Variants in AJAP1 observed in about 807,000 individuals in gnomAD.
AJAP1 encodes the protein adherens junctions associated protein 1.
A neutral mutation model predicts 35.0 loss-of-function variants in AJAP1; 5 were observed. That is an observed-to-expected ratio of 0.14 (90% CI 0.07 to 0.30). The LOEUF (loss-of-function observed/expected upper bound fraction) is 0.30, where lower values mean the gene tolerates loss of function less well. Among genes scored for constraint, AJAP1 ranks in the 10% least tolerant of loss-of-function variants. AJAP1 has a pLI of 1.00. For missense variants in AJAP1, 586 were observed against 571.0 expected (o/e 1.03, Z -0.27); for synonymous variants, 284 against 249.3 (o/e 1.14, Z -1.31).
In AJAP1 at chr1:4,715,922, C is replaced by A. The variant is rs1216112942; in HGVS notation, c.829+3223C>A. On this transcript the variant is annotated intron_variant, in intron 2 of 5. Transcript: ENST00000378191. ...GCCAGCTTTGCCACATACTGGGGGG[C>A]ACCCCAAAATTTGGAATTGGAGTTT... 2.0e-5 allele frequency among the ~76,000 whole-genome samples: 3 copies of A among 152,342 alleles called. No individual in the cohort carries two copies. In the South Asian group the frequency reaches 6.2e-4, roughly 32 times the overall value.
intron 1 of AJAP1, among the ~76,000 whole-genome samples, chr1:4,665,090 C>T (rs903871073): frequency 9.9e-5 from 15 of 151,884 alleles, no homozygotes; most frequent in Non-Finnish European, 2.1e-4. Flanking sequence ...GGTTTTCAGT[C>T]GACGCCCCCA....
Position 4,786,136 on chromosome 1 carries a change from A to G in AJAP1, c.*3651A>G, listed in dbSNP as rs1270991690. On this transcript the variant is annotated 3_prime_UTR_variant, in exon 6 of 6. Coordinates refer to ENST00000378191, the MANE Select transcript of AJAP1 (RefSeq NM_018836.4). ...TCAGATTCCAGCCATTACCGAGACA[A>G]ATCCAAGCCTTCTCACGCAACGTGG... The G allele has an allele frequency of 6.6e-6, 1 of 152,146 alleles. No homozygotes were observed. The highest frequency in any genetic ancestry group is 1.5e-5 in the Non-Finnish European group (1 of 68,032). 9.4% of individuals were successfully genotyped at this position (152,146 alleles called of 1,614,324 possible). A position where few individuals can be genotyped will look rare whatever the true frequency, so the allele number is the denominator to read the frequency against.
At chr1:4,779,588 CCA>C (rs1235569146) in intron 5 of AJAP1, among the ~76,000 whole-genome samples, 2 of 152,080 alleles carry the variant, frequency 1.3e-5, no homozygotes, top group Non-Finnish European at 2.9e-5. Context: ...GCAGCCGGGG[CCA>C]CAGTTCAGGC....
rs147527302 is a variant in AJAP1, at chr1:4,700,650, G to A, written c.30-11250G>A. ...AGATGGAGAGGAGCTAGGGCTTGGC[G>A]CTGGGATGGGGTAGCTCGTGCTGGG... On this transcript the variant is annotated intron_variant, in intron 1 of 5. Coordinates refer to ENST00000378191, the MANE Select transcript of AJAP1 (RefSeq NM_018836.4). Among the ~76,000 whole-genome samples, 575 of 152,324 alleles carry A rather than the reference G, an allele frequency of 3.8e-3. 2 individuals carry two copies. The highest frequency in any genetic ancestry group is 5.9e-3 in the Admixed American group (90 of 15,306).
rs910032314 is a variant in AJAP1, at chr1:4,752,349, G to A, written c.830-17504G>A. 2.6e-5 allele frequency among the ~76,000 whole-genome samples: 4 copies of A among 152,104 alleles called. No individual in the cohort carries two copies. In the East Asian group the frequency reaches 5.8e-4, roughly 22 times the overall value. ...GTCCAGTAGACAAGAGAATGCAGAA[G>A]GTGAGGGATCTGGGCAAGAGAGGAC... is the stretch of plus-strand genomic sequence containing the variant. On this transcript the variant is annotated intron_variant, in intron 2 of 5. Coordinates refer to ENST00000378191, the MANE Select transcript of AJAP1 (RefSeq NM_018836.4).
chr1:4,724,191 C>T (rs577182018), intron 2 of AJAP1, among the ~76,000 whole-genome samples: 2 of 152,278 alleles, frequency 1.3e-5, no homozygotes, highest in South Asian at 4.1e-4. Flanking sequence ...CGGGCACCTG[C>T]GAATGCCAGG....
intron 1 of AJAP1, among the ~76,000 whole-genome samples, chr1:4,657,412 C>T (rs796786682): frequency 1.1e-4 from 16 of 152,222 alleles, no homozygotes; most frequent in African/African-American, 3.6e-4. Flanking sequence ...TTACTGCTGT[C>T]TCCTGGCCAG....
At chr1:4,698,978 C>T (rs1364050988) in intron 1 of AJAP1, among the ~76,000 whole-genome samples, 3 of 152,182 alleles carry the variant, frequency 2.0e-5, no homozygotes, top group Non-Finnish European at 2.9e-5. Flanking sequence ...CCTGGTTCCC[C>T]GGTGCACCTG....
intron 1 of AJAP1, among the ~76,000 whole-genome samples, chr1:4,671,853 T>C (rs916918226): frequency 4.6e-5 from 7 of 152,216 alleles, no homozygotes; most frequent in Non-Finnish European, 8.8e-5. Flanking sequence ...GGTCAGAGCC[T>C]GCTTTTATTG....
intron 1 of AJAP1, among the ~76,000 whole-genome samples, chr1:4,680,961 T>C (rs1260459118): frequency 6.6e-6 from 1 of 152,214 alleles, no homozygotes; most frequent in Non-Finnish European, 1.5e-5. Flanking sequence ...GGCTTTGGCA[T>C]TCGAATTCAG....
At chr1:4,699,260 C>A (rs1639933447) in intron 1 of AJAP1, among the ~76,000 whole-genome samples, 1 of 152,222 alleles carries the variant, frequency 6.6e-6, no homozygotes, top group South Asian at 2.1e-4. Flanking sequence ...CCCTGCCCAC[C>A]TCCACCAATG....
intron 2 of AJAP1, among the ~76,000 whole-genome samples, chr1:4,740,646 T>G (rs1429924876): frequency 6.6e-6 from 1 of 150,638 alleles, no homozygotes; most frequent in Non-Finnish European, 1.5e-5. Flanking sequence ...ATTAGCCGGG[T>G]GTGGTGGCGG....
chr1:4,690,935 C>T (rs1639725998), intron 1 of AJAP1, among the ~76,000 whole-genome samples: 1 of 152,194 alleles, frequency 6.6e-6, no homozygotes, highest in African/African-American at 2.4e-5. Context: ...ACTCCTATCC[C>T]CTGTGCTGGA....
At chr1:4,676,797 T>C (rs1303154914) in intron 1 of AJAP1, among the ~76,000 whole-genome samples, 1 of 152,194 alleles carries the variant, frequency 6.6e-6, no homozygotes, top group Non-Finnish European at 1.5e-5. Flanking sequence ...AAAGGGGTAT[T>C]GCATTCTCGA....
intron 1 of AJAP1, among the ~76,000 whole-genome samples, chr1:4,695,680 G>A (rs1219464126): frequency 6.6e-6 from 1 of 152,176 alleles, no homozygotes; most frequent in African/African-American, 2.4e-5. Context: ...GCCTGTAGAT[G>A]CTGCCTTTCC....
chr1:4,691,805 C>T (rs1039007884), intron 1 of AJAP1, among the ~76,000 whole-genome samples: 6 of 152,090 alleles, frequency 3.9e-5, no homozygotes, highest in Admixed American at 6.5e-5. Context: ...GGGGGACAAG[C>T]GCTCAGAGGG....
At chr1:4,739,297 A>G (rs993924246) in intron 2 of AJAP1, among the ~76,000 whole-genome samples, 3 of 152,218 alleles carry the variant, frequency 2.0e-5, no homozygotes, top group Admixed American at 6.5e-5. Context: ...CAGTGCAAGT[A>G]TCGGCAGGCT....
At chr1:4,722,367 C>T (rs1041398260) in intron 2 of AJAP1, among the ~76,000 whole-genome samples, 16 of 152,186 alleles carry the variant, frequency 1.1e-4, no homozygotes, top group East Asian at 1.9e-4. Context: ...GGACCTGTGG[C>T]GTCCATACCT....
chr1:4,715,557 T>C (rs975005668), intron 2 of AJAP1, among the ~76,000 whole-genome samples: 2 of 152,170 alleles, frequency 1.3e-5, no homozygotes, highest in African/African-American at 4.8e-5. Context: ...TGGTGGCACA[T>C]GCCTGTAATC....
Sources: gnomAD v4.1 joint callset for allele counts (sites outside exome capture counted in the v4.1 genomes callset) on GRCh38, gnomAD v4.1.1 for gene constraint, MANE v1.5 for transcripts, NCBI Gene and HGNC (gene_info 2026-07-23, HGNC 2026-07-21) for gene names.